GALNT17: variants seen among roughly 807,000 people sequenced by gnomAD.
GALNT17 encodes the protein polypeptide N-acetylgalactosaminyltransferase 17.
Under a neutral mutation model 63.7 loss-of-function variants are expected in GALNT17, and 29 were observed. That is an observed-to-expected ratio of 0.46 (90% CI 0.34 to 0.62). The LOEUF (loss-of-function observed/expected upper bound fraction) is 0.62, where lower values mean the gene tolerates loss of function less well. GALNT17 is among the 20% of genes least tolerant of loss of function. The pLI, the probability that GALNT17 is intolerant of heterozygous loss-of-function variation, is 0.01. For missense variants in GALNT17, 603 were observed against 799.6 expected (o/e 0.75, Z 2.97); for synonymous variants, 305 against 318.3 (o/e 0.96, Z 0.45).
At chr7:71,387,521 T>C (rs1403159834) in intron 2 of GALNT17, among the ~76,000 whole-genome samples, 1 of 152,026 alleles carries the variant, frequency 6.6e-6, no homozygotes, top group Non-Finnish European at 1.5e-5. Flanking sequence ...GTACAGGATC[T>C]TGCTATGTTG....
At chr7:71,140,664 C>G (rs887853620) in intron 1 of GALNT17, among the ~76,000 whole-genome samples, 5 of 152,208 alleles carry the variant, frequency 3.3e-5, no homozygotes, top group Non-Finnish European at 5.9e-5. Flanking sequence ...GGAACATGAG[C>G]ACACCCAAGC....
chr7:71,233,457 C>G (rs1789830591), intron 1 of GALNT17, among the ~76,000 whole-genome samples: 1 of 152,154 alleles, frequency 6.6e-6, no homozygotes. Context: ...AGAAGTAGAC[C>G]TTAGAAGGCC....
chr7:71,428,900 G>A (rs1392232863), intron 5 of GALNT17, among the ~76,000 whole-genome samples: 7 of 152,150 alleles, frequency 4.6e-5, no homozygotes, highest in African/African-American at 1.4e-4. Flanking sequence ...AGTGTGAGTC[G>A]CACACCAGTG....
intron 5 of GALNT17, among the ~76,000 whole-genome samples, chr7:71,534,448 A>T (rs1219292256): frequency 1.3e-5 from 2 of 151,812 alleles, no homozygotes; most frequent in Non-Finnish European, 2.9e-5. Flanking sequence ...AAATACAAAA[A>T]ATTAGCTGGG....
At chr7:71,201,271 T>C (rs1039516129) in intron 1 of GALNT17, among the ~76,000 whole-genome samples, 87 of 110,364 alleles carry the variant, frequency 7.9e-4, no homozygotes, top group African/African-American at 3.4e-3. Flanking sequence ...TGTGTGTGCA[T>C]GCGTGTATGG....
chr7:71,137,689 AG>A (rs1787812878), intron 1 of GALNT17, among the ~76,000 whole-genome samples: 1 of 152,154 alleles, frequency 6.6e-6, no homozygotes, highest in Non-Finnish European at 1.5e-5. Context: ...CGCCATCTTG[AG>A]GCTCGTCTAG....
At chr7:71,572,855 G>A (rs1010697268) in intron 6 of GALNT17, among the ~76,000 whole-genome samples, 2 of 152,088 alleles carry the variant, frequency 1.3e-5, no homozygotes, top group Non-Finnish European at 1.5e-5. Context: ...GCAAGACTGT[G>A]TGGCTGTCCC....
At chr7:71,233,159 C>T (rs994909044) in intron 1 of GALNT17, among the ~76,000 whole-genome samples, 2 of 152,186 alleles carry the variant, frequency 1.3e-5, no homozygotes, top group Non-Finnish European at 2.9e-5. Flanking sequence ...CTGCCCCACA[C>T]TCCTGTTCCT....
chr7:71,277,680 C>T (rs1790707134), intron 1 of GALNT17, among the ~76,000 whole-genome samples: 1 of 152,184 alleles, frequency 6.6e-6, no homozygotes, highest in Non-Finnish European at 1.5e-5. Context: ...GTTTGCATCA[C>T]AGCCTGCCTG....
intron 1 of GALNT17, among the ~76,000 whole-genome samples, chr7:71,315,723 A>G (rs1300482566): frequency 6.6e-6 from 1 of 152,184 alleles, no homozygotes; most frequent in African/African-American, 2.4e-5. Context: ...TTCTTCCGCA[A>G]GAGTTGGTGG....
At chr7:71,175,157 T>TTTCC in intron 1 of GALNT17, among the ~76,000 whole-genome samples, 1 of 152,186 alleles carries the variant, frequency 6.6e-6, no homozygotes, top group South Asian at 2.1e-4. Flanking sequence ...TTCTTCTTTC[T>TTTCC]TTCTTCCTTT....
At position 71,382,925 on chromosome 7, in the gene GALNT17, A is replaced by G. The variant is rs192865096; in HGVS notation, c.423-5310A>G. 6.5e-4 allele frequency among the ~76,000 whole-genome samples: 99 copies of G among 152,286 alleles called. 2 individuals carry two copies. Among genetic ancestry groups the G allele is most frequent in the African/African-American group, 2.3e-3 (95 of 41,560 alleles). ...TGGCATTAAGCACGTTTACATTGTC[A>G]TGTAACTGCCACCACCGTCCATCTC... is the stretch of plus-strand genomic sequence containing the variant. On this transcript the variant is annotated intron_variant, in intron 2 of 10. Transcript: ENST00000333538.
intron 5 of GALNT17, among the ~76,000 whole-genome samples, chr7:71,550,782 TAGA>T (rs1789063775): frequency 6.6e-6 from 1 of 152,246 alleles, no homozygotes; most frequent in Non-Finnish European, 1.5e-5. Flanking sequence ...GATATAAATT[TAGA>T]AGATTTTAAT....
At chr7:71,591,020 C>T (rs1193311692) in intron 6 of GALNT17, among the ~76,000 whole-genome samples, 1 of 152,092 alleles carries the variant, frequency 6.6e-6, no homozygotes, top group African/African-American at 2.4e-5. Context: ...CTAGGCCTCC[C>T]AAAGTACTGG....
chr7:71,389,580 G>A (rs770520770), intron 3 of GALNT17, among the ~76,000 whole-genome samples: 9 of 152,160 alleles, frequency 5.9e-5, no homozygotes, highest in African/African-American at 1.9e-4. Context: ...GTTGAGGACC[G>A]CTGCTCTAGG....
At chr7:71,565,740 A>G (rs552839837) in intron 5 of GALNT17, among the ~76,000 whole-genome samples, 37 of 152,198 alleles carry the variant, frequency 2.4e-4, no homozygotes, top group African/African-American at 8.9e-4. Context: ...CAGCCACAGC[A>G]TGGTCCCACA....
intron 1 of GALNT17, among the ~76,000 whole-genome samples, chr7:71,264,746 T>C (rs542037295): frequency 6.6e-6 from 1 of 152,064 alleles, no homozygotes; most frequent in Admixed American, 6.6e-5. Context: ...ACATATTGAA[T>C]GTTCTCACTC....
rs369954028 is a variant in GALNT17, at chr7:71,483,074, T to C, written c.962+61969T>C. ...CACAGATCAGTACTGGTCCAAGGCC[T>C]GGGGGATTGGGGACCTCTGGTATAA... On this transcript the variant is annotated intron_variant, in intron 5 of 10. Transcript: ENST00000333538. Among the ~76,000 whole-genome samples, 6 of 152,248 alleles carry C rather than the reference T, an allele frequency of 3.9e-5. No individual in the cohort carries two copies. In the South Asian group the frequency reaches 6.2e-4, roughly 16 times the overall value.
chr7:71,557,836 G>C (rs1789190185), intron 5 of GALNT17, among the ~76,000 whole-genome samples: 1 of 151,634 alleles, frequency 6.6e-6, no homozygotes, highest in Admixed American at 6.6e-5. Context: ...ACTTTGGGAG[G>C]CCAAAGCAGG....
Sources: allele counts gnomAD v4.1 joint callset (sites outside exome capture counted in the v4.1 genomes callset), GRCh38; gene constraint gnomAD v4.1.1; transcripts MANE v1.5; gene names NCBI Gene and HGNC (gene_info 2026-07-23, HGNC 2026-07-21).